IL4: variants seen among roughly 807,000 people sequenced by gnomAD.
IL4 encodes interleukin-4.
Under a neutral mutation model 17.4 loss-of-function variants are expected in IL4, and 10 were observed. That is an observed-to-expected ratio of 0.57 (90% CI 0.35 to 0.97). IL4 has a LOEUF of 0.97. Among genes scored for constraint, IL4 ranks in the 50% least tolerant of loss-of-function variants. The pLI, the probability that IL4 is intolerant of heterozygous loss-of-function variation, is 0.01. For missense variants in IL4, 174 were observed against 187.7 expected (o/e 0.93, Z 0.43); for synonymous variants, 87 against 79.0 (o/e 1.10, Z -0.54).
rs201493772 is a variant in IL4 at position 132,679,813 on chromosome 5, C to T, written c.283C>T (p.Gln95Ter). ...KDTRCLGATA[Q>*]QFHRHKQLIR... ...CACTCGCTGCCTGGGTGCGACTGCACAGCAGTTCCACAGGCACAAGCAGCT... is the reference window on the plus strand; with the variant it reads ...CACTCGCTGCCTGGGTGCGACTGCATAGCAGTTCCACAGGCACAAGCAGCT... Residue 95 changes from glutamine to a stop codon, truncating the protein, a stop_gained, in exon 3 of 4, where the codon CAG becomes TAG. Coordinates refer to ENST00000231449, the MANE Select transcript of IL4 (RefSeq NM_000589.4). LOFTEE classifies it high-confidence loss of function. 1.6e-5 allele frequency: 26 copies of T among 1,613,878 alleles called. No individual in the cohort carries two copies. The highest frequency in any genetic ancestry group is 1.1e-5 in the South Asian group (1 of 91,076).
intron 3 of IL4, 35 bp downstream of exon 3, chr5:132,679,925 G>A (rs201310446): frequency 1.7e-5 from 27 of 1,563,476 alleles, no homozygotes; most frequent in South Asian, 1.3e-4. Context: ...AGCCGGCCGC[G>A]TGGCTCCTGG....
At chr5:132,679,110 C>T (rs1384825973) in intron 2 of IL4, among the ~76,000 whole-genome samples, 1 of 152,238 alleles carries the variant, frequency 6.6e-6, no homozygotes, top group Admixed American at 6.5e-5. Context: ...TCTCTTGCTG[C>T]CTGGCAAAAT....
chr5:132,674,677 TC>T (rs1752346327), intron 2 of IL4, among the ~76,000 whole-genome samples, 171 bp downstream of exon 2: 2 of 152,216 alleles, frequency 1.3e-5, no homozygotes, highest in South Asian at 4.1e-4. Flanking sequence ...TTTTGGTCTT[TC>T]TGGTTTCACT....
intron 1 of IL4, 119 bp downstream of exon 1, chr5:132,674,304 G>A: frequency 7.3e-7 from 1 of 1,373,782 alleles, no homozygotes; most frequent in Non-Finnish European, 1.0e-6. Context: ...GGCAGTCCAG[G>A]GCACACAGCG....
In IL4 at chr5:132,679,779, T is replaced by G; in HGVS notation, c.249T>G (p.His83Gln). The G allele has an allele frequency of 3.7e-6, 6 of 1,614,092 alleles. No homozygotes were observed. Among genetic ancestry groups the G allele is most frequent in the Non-Finnish European group, 5.1e-6 (6 of 1,179,992 alleles). Residue 83 changes from histidine to glutamine, a missense_variant, in exon 3 of 4, where the codon CAT (histidine) becomes CAG (glutamine). Transcript: ENST00000231449. ...ATVLRQFYSH[H>Q]EKDTRCLGAT... The stretch of plus-strand genomic sequence containing the variant: ...TGCTCCGGCAGTTCTACAGCCACCA[T>G]GAGAAGGACACTCGCTGCCTGGGTG...
intron 3 of IL4, among the ~76,000 whole-genome samples, chr5:132,681,604 G>A (rs1752489594): frequency 6.6e-6 from 1 of 152,312 alleles, no homozygotes; most frequent in South Asian, 2.1e-4. Flanking sequence ...TTAAGGTTGG[G>A]GGTATACCCA....
At chr5:132,675,699 C>T (rs1047673284) in intron 2 of IL4, among the ~76,000 whole-genome samples, 1 of 152,004 alleles carries the variant, frequency 6.6e-6, no homozygotes, top group Non-Finnish European at 1.5e-5. Context: ...CAGGTGTGCA[C>T]CACCACGCCT....
chr5:132,682,553 T>C lies in IL4; in HGVS notation c.428T>C (p.Ile143Thr), dbSNP rs1330454415. The change falls in exon 4 of 4, where the codon ATC (isoleucine) becomes ACC (threonine). Residue 143 changes from isoleucine (I) to threonine (T), a missense_variant. Transcript: ENST00000231449. The part of the protein sequence containing the change: ...LENFLERLKT[I>T]MREKYSKCSS Reference sequence around the variant, plus strand: ...AACTTCTTGGAAAGGCTAAAGACGATCATGAGAGAGAAATATTCAAAGTGT... The same window carrying C: ...AACTTCTTGGAAAGGCTAAAGACGACCATGAGAGAGAAATATTCAAAGTGT... 1 of 1,609,500 alleles carries C rather than the reference T, an allele frequency of 6.2e-7. No individual in the cohort carries two copies. Among genetic ancestry groups the C allele is most frequent in the South Asian group, 1.1e-5 (1 of 90,776 alleles).
At position 132,682,580 on chromosome 5, in the gene IL4, C is replaced by A. The variant is rs550558636; in HGVS notation, c.455C>A (p.Ser152Ter). 6.4e-7 allele frequency: 1 copy of A among 1,564,712 alleles called. No homozygotes were observed. The highest frequency in any genetic ancestry group is 1.7e-5 in the Admixed American group (1 of 58,094). ...TIMREKYSKC[S>*]S ...ATGAGAGAGAAATATTCAAAGTGTT[C>A]GAGCTGAATATTTTAATTTATGAGT... The change falls in exon 4 of 4, where the codon TCG (serine) becomes TAG (stop). Residue 152 changes from serine to a stop codon, truncating the protein, a stop_gained. Transcript: ENST00000231449. LOFTEE classifies it high-confidence loss of function.
intron 2 of IL4, among the ~76,000 whole-genome samples, chr5:132,677,074 C>T (rs1053412518): frequency 9.2e-5 from 14 of 152,248 alleles, no homozygotes; most frequent in African/African-American, 3.1e-4. Flanking sequence ...CATAATTCTA[C>T]AGAGAGTTCC....
Position 132,679,850 on chromosome 5 carries a change from T to C in IL4, c.320T>C (p.Leu107Pro). 5 of 1,613,930 alleles carry C rather than the reference T, an allele frequency of 3.1e-6. No individual in the cohort carries two copies. Among genetic ancestry groups the C allele is most frequent in the Non-Finnish European group, 4.2e-6 (5 of 1,179,942 alleles). ...AGGCACAAGCAGCTGATCCGATTCC[T>C]GAAACGGCTCGACAGGAACCTCTGG... ...FHRHKQLIRF[L>P]KRLDRNLWGL... Residue 107 changes from leucine (L) to proline (P), a missense_variant, in exon 3 of 4, where the codon CTG (leucine) becomes CCG (proline). Leu to Pro is a moderately conservative substitution (Grantham distance 98, BLOSUM62 -3). Transcript: ENST00000231449.
intron 2 of IL4, among the ~76,000 whole-genome samples, chr5:132,677,313 CTTCT>C (rs1479227682): frequency 4.6e-5 from 7 of 152,176 alleles, no homozygotes; most frequent in Non-Finnish European, 7.3e-5. Flanking sequence ...GACAGGCCTC[CTTCT>C]GAGTCACTCC....
At position 132,682,645 on chromosome 5, in the gene IL4, A is replaced by G. The variant is rs1163113468; in HGVS notation, c.*58A>G. 7.3e-6 allele frequency: 6 copies of G among 826,454 alleles called. No individual in the cohort carries two copies. The highest frequency in any genetic ancestry group is 1.1e-5 in the Non-Finnish European group (6 of 525,654). The allele number at this position is 826,454 out of a possible 1,614,324, so 51.2% of individuals were successfully genotyped here. On this transcript the variant is annotated 3_prime_UTR_variant, in exon 4 of 4. Transcript: ENST00000231449. ...TTTTTTAAGTATTTATATATTTATAACTCATCATAAAATAAAGTATATATA... is the reference window on the plus strand; with the variant it reads ...TTTTTTAAGTATTTATATATTTATAGCTCATCATAAAATAAAGTATATATA...
intron 2 of IL4, among the ~76,000 whole-genome samples, chr5:132,675,458 G>A (rs1388880405): frequency 7.1e-6 from 1 of 140,274 alleles, no homozygotes; most frequent in African/African-American, 2.8e-5. Context: ...CTTCATGAGG[G>A]AAACTGCTCT....
chr5:132,674,638 G>T, intron 2 of IL4, 132 bp downstream of exon 2: 2 of 693,098 alleles, frequency 2.9e-6, no homozygotes, highest in East Asian at 2.6e-5. Flanking sequence ...TTCAAAGAAC[G>T]AGAAGTCTGA....
intron 2 of IL4, among the ~76,000 whole-genome samples, chr5:132,677,523 GGATGCA>G (rs1752403634): frequency 6.6e-6 from 1 of 152,134 alleles, no homozygotes; most frequent in Admixed American, 6.5e-5. Context: ...GCTGCCCTTA[GGATGCA>G]TTCTTTTAAA....
At chr5:132,678,259 G>A (rs1389385490) in intron 2 of IL4, among the ~76,000 whole-genome samples, 2 of 152,234 alleles carry the variant, frequency 1.3e-5, no homozygotes, top group Non-Finnish European at 2.9e-5. Context: ...TTTCTACGCA[G>A]CTCTCAATCC....
intron 2 of IL4, among the ~76,000 whole-genome samples, chr5:132,676,920 G>A (rs956786361): frequency 6.6e-6 from 1 of 152,188 alleles, no homozygotes; most frequent in Non-Finnish European, 1.5e-5. Flanking sequence ...GGCTTCACAG[G>A]TAACACCTGT....
At chr5:132,679,693 C>G in intron 2 of IL4, 21 bp from the exon 3 acceptor site, 1 of 1,594,466 alleles carries the variant, frequency 6.3e-7, no homozygotes, top group South Asian at 1.1e-5. Context: ...ACATTGCTAT[C>G]TGTGGCATTT....
Sources: gnomAD v4.1 joint callset for allele counts (sites outside exome capture counted in the v4.1 genomes callset) on GRCh38, gnomAD v4.1.1 for gene constraint, MANE v1.5 for transcripts, NCBI Gene and HGNC (gene_info 2026-07-23, HGNC 2026-07-21) for gene names.